SPATA7: variants seen among roughly 807,000 people sequenced by gnomAD.
The protein encoded by SPATA7 is spermatogenesis associated 7, also known as spermatogenesis-associated protein 7.
SPATA7 carries 43 observed loss-of-function variants against 51.8 expected under a neutral mutation model. That is an observed-to-expected ratio of 0.83 (90% CI 0.65 to 1.07). The LOEUF (loss-of-function observed/expected upper bound fraction) is 1.07, where lower values mean the gene tolerates loss of function less well. Ranked by LOEUF, SPATA7 falls within the 50% of genes least tolerant of loss-of-function variation. SPATA7 has a pLI of 0.00. For missense variants in SPATA7, 683 were observed against 701.3 expected, an observed-to-expected ratio of 0.97 and a Z score of 0.30; for synonymous variants, 230 against 252.8, an observed-to-expected ratio of 0.91 and a Z score of 0.86.
At chr14:88,470,252 A>T in exon 5 of SPATA7, 1 of 588,942 alleles carries the variant, frequency 1.7e-6, no homozygotes, top group Non-Finnish European at 3.0e-6. Flanking sequence ...ACATTTTTAT[A>T]AACTTAGGTA....
chr14:88,420,210 G>T, intron 5 of SPATA7, among the ~76,000 whole-genome samples: 1 of 152,236 alleles, frequency 6.6e-6, no homozygotes, highest in East Asian at 1.9e-4. Flanking sequence ...AGGTTTCCTG[G>T]AGGAAAAGCC....
intron 10 of SPATA7, 113 bp from the exon 11 acceptor site, chr14:88,437,430 G>T: frequency 3.8e-6 from 3 of 785,076 alleles, no homozygotes; most frequent in South Asian, 3.2e-5. Context: ...CAGAGAAAAA[G>T]AAAAATCTGA....
At chr14:88,406,110 CAT>C (rs1375387306) in intron 4 of SPATA7, among the ~76,000 whole-genome samples, 15 of 152,108 alleles carry the variant, frequency 9.9e-5, no homozygotes, top group Admixed American at 9.8e-4. Context: ...TTTCTAGACA[CAT>C]AAAAAGAGAA....
chr14:88,411,705 T>G (rs954914778), intron 4 of SPATA7, among the ~76,000 whole-genome samples: 2 of 152,138 alleles, frequency 1.3e-5, no homozygotes, highest in Non-Finnish European at 2.9e-5. Context: ...GCTGCACATA[T>G]ACAGTATTTC....
intron 3 of SPATA7, among the ~76,000 whole-genome samples, chr14:88,395,211 C>T (rs570071820): frequency 1.3e-5 from 2 of 152,106 alleles, no homozygotes; most frequent in African/African-American, 4.8e-5. Context: ...GTTATCAAAA[C>T]CAGGAAATCA....
chr14:88,390,493 C>A (rs1243420854), intron 1 of SPATA7, among the ~76,000 whole-genome samples: 1 of 152,134 alleles, frequency 6.6e-6, no homozygotes, highest in African/African-American at 2.4e-5. Context: ...AATGAAAGTA[C>A]CTTTCCTAAT....
At chr14:88,427,571 T>G in intron 6 of SPATA7, 59 bp from the exon 7 acceptor site, 3 of 1,184,952 alleles carry the variant, frequency 2.5e-6, no homozygotes, top group South Asian at 2.6e-5. Context: ...CAGTAAACCT[T>G]GTTACCACAG....
chr14:88,468,170 G>A (rs200955321), intron 4 of SPATA7: 1 of 1,613,812 alleles, frequency 6.2e-7, no homozygotes, highest in East Asian at 2.2e-5. Context: ...GGAACTGGAT[G>A]AGGACTCTGT....
intron 4 of SPATA7, among the ~76,000 whole-genome samples, chr14:88,400,182 G>T (rs1336863314): frequency 5.3e-5 from 8 of 152,056 alleles, no homozygotes; most frequent in Non-Finnish European, 1.2e-4. Flanking sequence ...AAGAAAATGG[G>T]AAATTCACAA....
At chr14:88,424,254 C>T (rs2076729299) in intron 5 of SPATA7, among the ~76,000 whole-genome samples, 1 of 152,054 alleles carries the variant, frequency 6.6e-6, no homozygotes, top group Non-Finnish European at 1.5e-5. Context: ...ATATTCATAG[C>T]TAAAGGAAAC....
intron 4 of SPATA7, chr14:88,466,218 G>T (rs1193360681): frequency 6.6e-6 from 1 of 151,888 alleles, no homozygotes; most frequent in Non-Finnish European, 1.5e-5. Context: ...AAAGAATTTT[G>T]TATTTACAAA....
chr14:88,389,644 A>G (rs1405422979), intron 1 of SPATA7, among the ~76,000 whole-genome samples: 3 of 152,200 alleles, frequency 2.0e-5, no homozygotes, highest in East Asian at 1.9e-4. Context: ...GTTTGTTCTT[A>G]TCACCATCTT....
chr14:88,437,517 T>A (rs552427430), intron 10 of SPATA7, 26 bp from the exon 11 acceptor site: 1 of 1,551,250 alleles, frequency 6.4e-7, no homozygotes, highest in Non-Finnish European at 8.9e-7. Context: ...TTTTGAGACA[T>A]TAACATTTTT....
intron 4 of SPATA7, chr14:88,416,102 T>C (rs1210726329): frequency 6.6e-6 from 1 of 152,534 alleles, no homozygotes; most frequent in East Asian, 1.9e-4. Flanking sequence ...TTGTGCTTCC[T>C]GTACAGCCTG....
chr14:88,394,784 C>A (rs1338355391), intron 3 of SPATA7, among the ~76,000 whole-genome samples: 1 of 152,130 alleles, frequency 6.6e-6, no homozygotes, highest in Non-Finnish European at 1.5e-5. Flanking sequence ...TGCACCCTTA[C>A]CAACCCTTGG....
chr14:88,419,354 T>A (rs2076572870), intron 5 of SPATA7, among the ~76,000 whole-genome samples: 1 of 152,098 alleles, frequency 6.6e-6, no homozygotes, highest in South Asian at 2.1e-4. Context: ...CTATTAATAT[T>A]TTCTGATAGT....
Position 88,385,745 on chromosome 14 carries a change from G to C in SPATA7, c.-74G>C. The C allele has an allele frequency of 6.8e-7, 1 of 1,461,934 alleles. No individual in the cohort carries two copies. The highest frequency in any genetic ancestry group is 9.5e-7 in the Non-Finnish European group (1 of 1,058,116). 90.6% of individuals were successfully genotyped at this position (1,461,934 alleles called of 1,614,324 possible). On this transcript the variant is annotated 5_prime_UTR_variant, in exon 1 of 12. Transcript: ENST00000393545. ...TCCTCTTTTCCAGTCCTCCACTGCC[G>C]GGGCTGGGCCCGGCCGCGGGAAGGA...
At chr14:88,470,202 CTT>C (rs943057588) in exon 5 of SPATA7, 28 of 677,534 alleles carry the variant, frequency 4.1e-5, no homozygotes, top group Admixed American at 6.0e-5. Context: ...TAAGGAAAGA[CTT>C]TTCATCTTTT....
chr14:88,470,055 G>T, exon 5 of SPATA7: 5 of 1,611,638 alleles, frequency 3.1e-6, no homozygotes, highest in Non-Finnish European at 4.2e-6. Flanking sequence ...AGAGACCTGG[G>T]ATTAGAAAAG....
Sources: gnomAD v4.1 joint callset for allele counts (sites outside exome capture counted in the v4.1 genomes callset) on GRCh38, gnomAD v4.1.1 for gene constraint, MANE v1.5 for transcripts, NCBI Gene and HGNC (gene_info 2026-07-23, HGNC 2026-07-21) for gene names.